The following LMAN2L variants were observed in gnomAD, a reference collection of about 807,000 sequenced individuals.
LMAN2L encodes the protein lectin, mannose binding 2 like.
Under a neutral mutation model 44.3 loss-of-function variants are expected in LMAN2L, and 30 were observed. That is an observed-to-expected ratio of 0.68 (90% CI 0.51 to 0.92). LMAN2L has a LOEUF of 0.92. LMAN2L is among the 40% of genes least tolerant of loss of function. LMAN2L has a pLI of 0.00. For synonymous variants in LMAN2L, 183 were observed against 171.1 expected, an observed-to-expected ratio of 1.07 and a Z score of -0.54; for missense variants, 429 against 446.1, an observed-to-expected ratio of 0.96 and a Z score of 0.35.
chr2:96,707,247 C>T lies in LMAN2L; in HGVS notation c.*9G>A, dbSNP rs1026463233. 1 of 1,613,084 alleles carries T rather than the reference C, an allele frequency of 6.2e-7. No individual in the cohort carries two copies. Among genetic ancestry groups the T allele is most frequent in the Non-Finnish European group, 8.5e-7 (1 of 1,179,366 alleles). On this transcript the variant is annotated 3_prime_UTR_variant, in exon 8 of 8. Transcript: ENST00000264963. ...GTGACAGTCACAAAAGTGGTGGCAGCAGGAGGGCTCAGTAGAAGCGCTTTC... is the reference window on the plus strand; with the variant it reads ...GTGACAGTCACAAAAGTGGTGGCAGTAGGAGGGCTCAGTAGAAGCGCTTTC...
At chr2:96,739,396 C>G (rs150878930) in intron 1 of LMAN2L, among the ~76,000 whole-genome samples, 411 of 152,204 alleles carry the variant, frequency 2.7e-3, no homozygotes, top group Non-Finnish European at 4.3e-3. Flanking sequence ...CCAACAGGGC[C>G]CCTAGGCTGG....
chr2:96,707,924 C>T, intron 6 of LMAN2L, 91 bp from the exon 7 acceptor site: 2 of 1,314,526 alleles, frequency 1.5e-6, no homozygotes, highest in Non-Finnish European at 2.1e-6. Context: ...CTCTGATCCA[C>T]AGCTAACCAG....
chr2:96,734,379 C>A lies in LMAN2L; in HGVS notation c.424+30G>T, dbSNP rs755973935. ...CACATGAAAAATCAGGCTGTCACAC[C>A]CACACAAGAGTAACACAGGCTCCCA... On this transcript the variant is annotated intron_variant, in intron 3 of 7. Coordinates refer to ENST00000264963, the MANE Select transcript of LMAN2L (RefSeq NM_030805.4). 3 of 1,340,916 alleles carry A rather than the reference C, an allele frequency of 2.2e-6. No individual in the cohort carries two copies. In the South Asian group the frequency reaches 3.5e-5, roughly 16 times the overall value. 83.1% of individuals were successfully genotyped at this position (1,340,916 alleles called of 1,614,324 possible). A position where few individuals can be genotyped will look rare whatever the true frequency, so the allele number is the denominator to read the frequency against.
intron 7 of LMAN2L, 76 bp from the exon 8 acceptor site, chr2:96,707,474 C>T (rs913056041): frequency 2.4e-5 from 36 of 1,476,670 alleles, no homozygotes; most frequent in East Asian, 7.3e-5. Context: ...ATAGGCTGTC[C>T]GGCCCCCAGT....
At chr2:96,709,880 G>A (rs74869092) in intron 6 of LMAN2L, among the ~76,000 whole-genome samples, 1 of 152,136 alleles carries the variant, frequency 6.6e-6, no homozygotes, top group Non-Finnish European at 1.5e-5. Flanking sequence ...AAAAAACTTA[G>A]ACTAAACAAA....
chr2:96,733,397 A>G lies in LMAN2L; in HGVS notation c.507+122T>C, dbSNP rs144308792. ...AACACTGACAAGGACATTAACTTTC[A>G]AAGTTCAACAGATGAAGAACCCCTC... On this transcript the variant is annotated intron_variant, in intron 4 of 7. Transcript: ENST00000264963. 4.2e-5 allele frequency: 30 copies of G among 708,790 alleles called. No homozygotes were observed. In the East Asian group the frequency reaches 8.0e-4, roughly 19 times the overall value. 43.9% of individuals were successfully genotyped at this position (708,790 alleles called of 1,614,324 possible).
intron 1 of LMAN2L, among the ~76,000 whole-genome samples, chr2:96,738,881 C>T (rs1266925772): frequency 6.6e-6 from 1 of 152,094 alleles, no homozygotes; most frequent in Non-Finnish European, 1.5e-5. Context: ...GCTGGGACTA[C>T]AGGCGCCCGC....
chr2:96,732,332 G>A (rs2078417339), intron 4 of LMAN2L, among the ~76,000 whole-genome samples: 1 of 151,614 alleles, frequency 6.6e-6, no homozygotes, highest in Non-Finnish European at 1.5e-5. Context: ...CATAGAGAGA[G>A]TACAAACCCA....
intron 4 of LMAN2L, among the ~76,000 whole-genome samples, chr2:96,727,009 G>A (rs1162631441): frequency 5.9e-5 from 9 of 151,638 alleles, no homozygotes; most frequent in African/African-American, 1.9e-4. Flanking sequence ...GCTTGAACCC[G>A]GGAGGCAGAG....
chr2:96,729,428 G>C (rs1187147079), intron 4 of LMAN2L, among the ~76,000 whole-genome samples: 1 of 152,022 alleles, frequency 6.6e-6, no homozygotes, highest in Non-Finnish European at 1.5e-5. Context: ...AAGGAGGTTT[G>C]ACGAGGATTA....
chr2:96,721,921 G>T lies in LMAN2L; in HGVS notation c.508-9896C>A, dbSNP rs142793511. On this transcript the variant is annotated intron_variant, in intron 4 of 7. Transcript: ENST00000264963. Reference sequence around the variant, plus strand: ...TTTTCCATGAACCGGGGAGTTGGAGGGGGGGTGGTTTCGGGATGATTCAAG... The same window carrying T: ...TTTTCCATGAACCGGGGAGTTGGAGTGGGGGTGGTTTCGGGATGATTCAAG... Among the ~76,000 whole-genome samples, 17 of 152,182 alleles carry T rather than the reference G, an allele frequency of 1.1e-4. 1 individual carries two copies. The highest frequency in any genetic ancestry group is 2.1e-4 in the South Asian group (1 of 4,816).
intron 6 of LMAN2L, among the ~76,000 whole-genome samples, chr2:96,708,908 C>CTT (rs140328524): frequency 0.023 from 2,036 of 89,066 alleles, 44 homozygotes; most frequent in African/African-American, 0.032. Context: ...TGAAGTTAGA[C>CTT]TTTTTTTTTT....
At chr2:96,734,677 T>G (rs140202003) in intron 2 of LMAN2L, 151 bp from the exon 3 acceptor site, 83 of 616,190 alleles carry the variant, frequency 1.3e-4, no homozygotes, top group African/African-American at 1.3e-3. Flanking sequence ...TATGTGTTCA[T>G]GTCATAAAAT....
At chr2:96,724,108 A>C (rs2153328721) in intron 4 of LMAN2L, among the ~76,000 whole-genome samples, 1 of 152,256 alleles carries the variant, frequency 6.6e-6, no homozygotes, top group East Asian at 1.9e-4. Context: ...CAAAAAAAAA[A>C]AAGAAAGAAA....
chr2:96,737,752 T>A (rs936964485), intron 2 of LMAN2L, among the ~76,000 whole-genome samples, 197 bp downstream of exon 2: 2 of 152,216 alleles, frequency 1.3e-5, no homozygotes, highest in African/African-American at 4.8e-5. Context: ...TTATTTGCTA[T>A]AATTAAATAG....
chr2:96,712,068 A>G (rs1258132651), intron 4 of LMAN2L, 43 bp from the exon 5 acceptor site: 3 of 1,597,296 alleles, frequency 1.9e-6, no homozygotes, highest in South Asian at 2.2e-5. Context: ...GGAAGAGCAC[A>G]TAGGAACGCC....
At chr2:96,708,503 T>C (rs2077835412) in intron 6 of LMAN2L, among the ~76,000 whole-genome samples, 1 of 152,224 alleles carries the variant, frequency 6.6e-6, no homozygotes, top group South Asian at 2.1e-4. Context: ...CATAACGCCA[T>C]TGTATGTCAA....
intron 4 of LMAN2L, among the ~76,000 whole-genome samples, chr2:96,731,331 C>T (rs976583521): frequency 1.3e-5 from 2 of 152,184 alleles, no homozygotes; most frequent in Non-Finnish European, 2.9e-5. Context: ...ATTCTCCTAA[C>T]TCAGGTCTCA....
intron 4 of LMAN2L, among the ~76,000 whole-genome samples, chr2:96,729,989 G>A (rs953809405): frequency 6.6e-6 from 1 of 152,102 alleles, no homozygotes; most frequent in Admixed American, 6.6e-5. Flanking sequence ...AAGTTCTCCA[G>A]GGAATTACAA....
Sources: gnomAD v4.1 joint callset for allele counts (sites outside exome capture counted in the v4.1 genomes callset) on GRCh38, gnomAD v4.1.1 for gene constraint, MANE v1.5 for transcripts, NCBI Gene and HGNC (gene_info 2026-07-23, HGNC 2026-07-21) for gene names.